ST3GAL5: variants seen among roughly 807,000 people sequenced by gnomAD.
ST3GAL5 encodes lactosylceramide alpha-2,3-sialyltransferase.
ST3GAL5 carries 25 observed loss-of-function variants against 46.1 expected under a neutral mutation model. That is an observed-to-expected ratio of 0.54 (90% CI 0.40 to 0.76). The LOEUF is 0.76. ST3GAL5 is among the 30% of genes least tolerant of loss of function. The probability of loss-of-function intolerance (pLI) is 0.00; values close to 1 mark genes in which losing one functional copy is unlikely to be tolerated. For missense variants in ST3GAL5, 431 were observed against 521.2 expected (o/e 0.83, Z 1.69); for synonymous variants, 182 against 192.7 (o/e 0.94, Z 0.46).
At chr2:85,871,005 G>A (rs966504611) in intron 1 of ST3GAL5, among the ~76,000 whole-genome samples, 1 of 151,164 alleles carries the variant, frequency 6.6e-6, no homozygotes, top group Non-Finnish European at 1.5e-5. Context: ...TCAAATCAGG[G>A]TAATTAGGAT....
At chr2:85,883,391 T>A (rs1281951308) in intron 1 of ST3GAL5, among the ~76,000 whole-genome samples, 12 of 152,224 alleles carry the variant, frequency 7.9e-5, no homozygotes, top group Non-Finnish European at 1.3e-4. Context: ...ACCATGATTG[T>A]GAGACCTTCC....
intron 1 of ST3GAL5, among the ~76,000 whole-genome samples, chr2:85,879,348 A>C (rs1443298510): frequency 6.6e-6 from 1 of 152,114 alleles, no homozygotes; most frequent in Non-Finnish European, 1.5e-5. Context: ...GTGGCTAAAG[A>C]GGGGAGTCGC....
At chr2:85,842,767 T>TC (rs1199605521) in intron 6 of ST3GAL5, among the ~76,000 whole-genome samples, 2 of 151,908 alleles carry the variant, frequency 1.3e-5, no homozygotes, top group Admixed American at 6.6e-5. Flanking sequence ...TGTATCTTTT[T>TC]TTTTTTTTTT....
intron 1 of ST3GAL5, among the ~76,000 whole-genome samples, chr2:85,876,375 G>A (rs1445284533): frequency 6.6e-6 from 1 of 151,986 alleles, no homozygotes; most frequent in African/African-American, 2.4e-5. Context: ...GGCAATGGGT[G>A]GTTGGGGGCT....
At chr2:85,840,522 A>C in intron 6 of ST3GAL5, 130 bp from the exon 7 acceptor site, 1 of 939,934 alleles carries the variant, frequency 1.1e-6, no homozygotes, top group Non-Finnish European at 1.7e-6. Context: ...ACATCACATA[A>C]TTTTATACAT....
At chr2:85,881,871 C>T (rs2104233655) in intron 1 of ST3GAL5, among the ~76,000 whole-genome samples, 1 of 152,302 alleles carries the variant, frequency 6.6e-6, no homozygotes, top group African/African-American at 2.4e-5. Context: ...AATGTTAATC[C>T]CCAAGACCCT....
chr2:85,841,358 G>A (rs528366598), intron 6 of ST3GAL5, among the ~76,000 whole-genome samples: 6 of 151,464 alleles, frequency 4.0e-5, no homozygotes, highest in South Asian at 4.2e-4. Context: ...AGACAGCATC[G>A]GTCTCACTCT....
At chr2:85,858,645 C>G (rs181605438) in intron 3 of ST3GAL5, among the ~76,000 whole-genome samples, 1 of 152,300 alleles carries the variant, frequency 6.6e-6, no homozygotes, top group East Asian at 1.9e-4. Flanking sequence ...CAGAGAGTCA[C>G]CACAAAGGTG....
At chr2:85,851,397 A>C in intron 3 of ST3GAL5, 1 of 1,185,384 alleles carries the variant, frequency 8.4e-7, no homozygotes, top group Non-Finnish European at 1.1e-6. Flanking sequence ...CTCGTTTAAC[A>C]GATCTCCACT....
chr2:85,867,629 C>A, intron 1 of ST3GAL5: 3 of 780,886 alleles, frequency 3.8e-6, no homozygotes, highest in Non-Finnish European at 7.2e-6. Context: ...TCCTGGGTGG[C>A]GGCGAGACAG....
At chr2:85,886,521 T>C (rs903492023) in intron 1 of ST3GAL5, among the ~76,000 whole-genome samples, 3 of 152,120 alleles carry the variant, frequency 2.0e-5, no homozygotes, top group African/African-American at 7.2e-5. Context: ...ATGTCTACTT[T>C]CCTAGTATCT....
At chr2:85,887,316 A>G (rs1055355463) in intron 1 of ST3GAL5, 1 of 152,246 alleles carries the variant, frequency 6.6e-6, no homozygotes, top group Admixed American at 6.5e-5. Context: ...AATTATAAGA[A>G]CTGTCCAAAT....
intron 1 of ST3GAL5, among the ~76,000 whole-genome samples, chr2:85,873,569 A>G (rs1686189458): frequency 6.6e-6 from 1 of 152,030 alleles, no homozygotes; most frequent in South Asian, 2.1e-4. Context: ...GGCGAGAGTC[A>G]AGGGAGAGGA....
chr2:85,868,499 C>T (rs996025939), intron 1 of ST3GAL5, among the ~76,000 whole-genome samples: 17 of 141,354 alleles, frequency 1.2e-4, no homozygotes, highest in African/African-American at 4.2e-4. Context: ...TTTGTATAGA[C>T]GGGGTTTTGC....
intron 2 of ST3GAL5, 122 bp from the exon 3 acceptor site, chr2:85,861,414 A>C (rs974556565): frequency 2.8e-6 from 2 of 717,764 alleles, no homozygotes; most frequent in African/African-American, 3.5e-5. Flanking sequence ...TACAATCTTT[A>C]AGTTGACATT....
intron 3 of ST3GAL5, 125 bp from the exon 4 acceptor site, chr2:85,848,329 C>A: frequency 6.3e-7 from 1 of 1,598,830 alleles, no homozygotes; most frequent in South Asian, 1.1e-5. Context: ...TCTTTTAACA[C>A]AGAATATTTG....
intron 3 of ST3GAL5, among the ~76,000 whole-genome samples, chr2:85,859,540 G>A (rs1198058463): frequency 6.6e-6 from 1 of 152,180 alleles, no homozygotes; most frequent in Non-Finnish European, 1.5e-5. Context: ...CTGATGAAAT[G>A]ACATGAGCCA....
Position 85,839,045 on chromosome 2 carries a change from C to T in ST3GAL5, c.*1099G>A, listed in dbSNP as rs1312768518. 1 of 152,316 alleles carries T rather than the reference C, an allele frequency of 6.6e-6. No individual in the cohort carries two copies. The highest frequency in any genetic ancestry group is 1.5e-5 in the Non-Finnish European group (1 of 68,122). 9.4% of individuals were successfully genotyped at this position (152,316 alleles called of 1,614,324 possible). A position where few individuals can be genotyped will look rare whatever the true frequency, so the allele number is the denominator to read the frequency against. On this transcript the variant is annotated 3_prime_UTR_variant, in exon 7 of 7. Transcript: ENST00000638572. ...AGGTGCCTTAATTCTCTGTCCCTCA[C>T]TACTGGCATCCACAGAGAGGTCTCC... is the stretch of plus-strand genomic sequence containing the variant.
intron 6 of ST3GAL5, among the ~76,000 whole-genome samples, chr2:85,840,679 C>T (rs1389897353): frequency 6.6e-6 from 1 of 152,132 alleles, no homozygotes; most frequent in African/African-American, 2.4e-5. Flanking sequence ...GGTGCGGTGG[C>T]TCACGCCTGT....
Sources: allele counts gnomAD v4.1 joint callset (sites outside exome capture counted in the v4.1 genomes callset), GRCh38; gene constraint gnomAD v4.1.1; transcripts MANE v1.5; gene names NCBI Gene and HGNC (gene_info 2026-07-23, HGNC 2026-07-21).